The following SYNPR variants were observed in gnomAD, a reference collection of about 807,000 sequenced individuals.
SYNPR encodes synaptoporin.
SYNPR carries 23 observed loss-of-function variants against 32.9 expected under a neutral mutation model. The observed-to-expected ratio is 0.70, with a 90% confidence interval of 0.50 to 0.99. SYNPR has a LOEUF of 0.99. Ranked by LOEUF, SYNPR falls within the 50% of genes least tolerant of loss-of-function variation. The pLI is 0.00. For synonymous variants in SYNPR, 146 were observed against 135.9 expected (o/e 1.07, Z -0.52); for missense variants, 318 against 349.3 (o/e 0.91, Z 0.71).
rs1560221108 is a variant in SYNPR at position 63,408,273 on chromosome 3, GAAAGAGGAAGGAAGGAAGGAAGGA to G, written c.85-72557_85-72534del. Reference sequence around the variant, plus strand: ...AGAAAGAAAGAAAGAAAGAAAGAAAGAAAGAGGAAGGAAGGAAGGAAGGAAGGAAGGAAGGAAGGAAGGAAGGAA... The same window carrying G: ...AGAAAGAAAGAAAGAAAGAAAGAAAGAGGAAGGAAGGAAGGAAGGAAGGAA... On this transcript the variant is annotated intron_variant, in intron 2 of 5. Transcript: ENST00000478300. Among the ~76,000 whole-genome samples the G allele has an allele frequency of 1.7e-4, 17 of 100,004 alleles. 1 individual carries two copies. The highest frequency in any genetic ancestry group is 2.2e-4 in the African/African-American group (5 of 22,274). The allele number at this position is 100,004 out of a possible 152,430, so 65.6% of individuals were successfully genotyped here. A position where few individuals can be genotyped will look rare whatever the true frequency, so the allele number is the denominator to read the frequency against.
Position 63,366,864 on chromosome 3 carries a change from T to C in SYNPR, c.84+88122T>C, listed in dbSNP as rs547276265. Among the ~76,000 whole-genome samples, 532 of 152,310 alleles carry C rather than the reference T, an allele frequency of 3.5e-3. 3 individuals carry two copies. The highest frequency in any genetic ancestry group is 7.9e-3 in the Admixed American group (121 of 15,284). ...TTGCCCCAAGGTCACACAGTTAGTG[T>C]ACAGACTGAAGATTAAATGAGCAAT... On this transcript the variant is annotated intron_variant, in intron 2 of 5. Transcript: ENST00000478300.
the SYNPR span, among the ~76,000 whole-genome samples, chr3:63,221,358 G>A: frequency 6.6e-6 from 1 of 152,208 alleles, no homozygotes; most frequent in Admixed American, 6.5e-5. Flanking sequence ...CATTCAATAT[G>A]CTTATATTCA....
At chr3:63,552,303 G>A (rs1442353513) in intron 3 of SYNPR, among the ~76,000 whole-genome samples, 2 of 152,084 alleles carry the variant, frequency 1.3e-5, no homozygotes, top group African/African-American at 4.8e-5. Flanking sequence ...AATCACCTGT[G>A]TCAGAATAAT....
At chr3:63,542,110 G>T (rs1341401824) in intron 3 of SYNPR, among the ~76,000 whole-genome samples, 1 of 152,096 alleles carries the variant, frequency 6.6e-6, no homozygotes, top group Non-Finnish European at 1.5e-5. Flanking sequence ...CACCAAATGT[G>T]CCAGTCACTG....
At chr3:63,221,195 T>G in the SYNPR span, among the ~76,000 whole-genome samples, 1 of 152,252 alleles carries the variant, frequency 6.6e-6, no homozygotes, top group East Asian at 1.9e-4. Context: ...AGTGGAGGGT[T>G]GAACTTGAAA....
intron 2 of SYNPR, among the ~76,000 whole-genome samples, chr3:63,435,922 C>T (rs12636239): frequency 0.077 from 11,760 of 152,134 alleles, 763 homozygotes; most frequent in African/African-American, 0.17. Flanking sequence ...ATACCAGGCC[C>T]GTAAGTTCCT....
At chr3:63,596,322 T>A (rs1198233731) in intron 4 of SYNPR, among the ~76,000 whole-genome samples, 1 of 99,138 alleles carries the variant, frequency 1.0e-5, no homozygotes, top group Non-Finnish European at 1.9e-5. Flanking sequence ...TCCCCAATGC[T>A]CCCCCTTCCC....
intron 3 of SYNPR, among the ~76,000 whole-genome samples, chr3:63,536,120 A>T (rs1444236510): frequency 6.6e-6 from 1 of 152,060 alleles, no homozygotes; most frequent in Non-Finnish European, 1.5e-5. Flanking sequence ...TAAAATAAAA[A>T]TTTTAAAAAT....
chr3:63,383,919 T>C (rs540062591), intron 2 of SYNPR, among the ~76,000 whole-genome samples: 121 of 152,356 alleles, frequency 7.9e-4, no homozygotes, highest in Non-Finnish European at 4.7e-4. Flanking sequence ...AGGGTAACTA[T>C]GTGTGGTGAT....
chr3:63,524,824 A>AGTGTGTGTGT (rs138062730), intron 3 of SYNPR, among the ~76,000 whole-genome samples: 17 of 129,380 alleles, frequency 1.3e-4, no homozygotes, highest in African/African-American at 5.1e-4. Context: ...TCATAATAGA[A>AGTGTGTGTGT]GTGTGTGTGT....
chr3:63,268,633 A>T (rs987248805), intron 3 of SYNPR, among the ~76,000 whole-genome samples: 3 of 152,172 alleles, frequency 2.0e-5, no homozygotes, highest in African/African-American at 7.2e-5. Context: ...AAAGGTTTTC[A>T]TCCTTGTCTT....
At chr3:63,594,816 C>T (rs1015833084) in intron 4 of SYNPR, among the ~76,000 whole-genome samples, 4 of 152,142 alleles carry the variant, frequency 2.6e-5, no homozygotes, top group Non-Finnish European at 5.9e-5. Context: ...GAAACTGCTA[C>T]CTCCCAATTA....
chr3:63,538,080 T>G (rs1702240135), intron 3 of SYNPR, among the ~76,000 whole-genome samples: 1 of 152,098 alleles, frequency 6.6e-6, no homozygotes, highest in African/African-American at 2.4e-5. Flanking sequence ...TTAAGCACAC[T>G]GTGGTTTGAA....
At chr3:63,588,382 T>A (rs1010099053) in intron 4 of SYNPR, among the ~76,000 whole-genome samples, 1 of 152,068 alleles carries the variant, frequency 6.6e-6, no homozygotes, top group African/African-American at 2.4e-5. Flanking sequence ...AGATGTTTCA[T>A]CTATATGCTG....
At chr3:63,505,084 G>C (rs1214755588) in intron 3 of SYNPR, among the ~76,000 whole-genome samples, 2 of 152,164 alleles carry the variant, frequency 1.3e-5, no homozygotes, top group Admixed American at 6.6e-5. Context: ...TCAGTGATCA[G>C]TGTTAACAGC....
intron 2 of SYNPR, among the ~76,000 whole-genome samples, chr3:63,354,477 C>G (rs570337475): frequency 6.6e-6 from 1 of 152,116 alleles, no homozygotes; most frequent in Non-Finnish European, 1.5e-5. Flanking sequence ...CCTCTTTGAA[C>G]CAACAGACTA....
At chr3:63,318,881 G>A (rs1025692788) in intron 2 of SYNPR, among the ~76,000 whole-genome samples, 2 of 151,940 alleles carry the variant, frequency 1.3e-5, no homozygotes, top group African/African-American at 4.8e-5. Flanking sequence ...TTCTCATTTG[G>A]GTAGGCTCTG....
intron 3 of SYNPR, among the ~76,000 whole-genome samples, chr3:63,521,483 G>A (rs79705434): frequency 0.01 from 1,585 of 152,262 alleles, 34 homozygotes; most frequent in African/African-American, 0.036. Context: ...GTCAGGGAGC[G>A]TACTTGGCAA....
chr3:63,577,643 G>A (rs1461502167), intron 4 of SYNPR, among the ~76,000 whole-genome samples: 2 of 152,090 alleles, frequency 1.3e-5, no homozygotes, highest in Non-Finnish European at 2.9e-5. Context: ...GTGTGAGTGG[G>A]GGTATGTGAA....
Sources: gnomAD v4.1 joint callset for allele counts (sites outside exome capture counted in the v4.1 genomes callset) on GRCh38, gnomAD v4.1.1 for gene constraint, MANE v1.5 for transcripts, NCBI Gene and HGNC (gene_info 2026-07-23, HGNC 2026-07-21) for gene names.